Variants in ZNF609 observed in about 807,000 individuals in gnomAD.
ZNF609 encodes the protein zinc finger protein 609.
Under a neutral mutation model 109.5 loss-of-function variants are expected in ZNF609, and 11 were observed. The observed-to-expected ratio is 0.10, with a 90% CI of 0.06 to 0.17. The LOEUF (loss-of-function observed/expected upper bound fraction) is 0.17, where lower values mean the gene tolerates loss of function less well. Ranked by LOEUF, ZNF609 falls within the 10% of genes least tolerant of loss-of-function variation. ZNF609 has a pLI of 1.00. For synonymous variants in ZNF609, 646 were observed against 662.0 expected (o/e 0.98, Z 0.37); for missense variants, 1,559 against 1,772.4 (o/e 0.88, Z 2.16).
intron 2 of ZNF609, among the ~76,000 whole-genome samples, chr15:64,590,802 G>C (rs986166201): frequency 1.5e-4 from 23 of 151,686 alleles, no homozygotes; most frequent in Admixed American, 6.6e-5. Flanking sequence ...AGTTTACAAG[G>C]TAATGGTTAT....
chr15:64,677,755 G>A (rs78910428), intron 5 of ZNF609, among the ~76,000 whole-genome samples: 3 of 152,188 alleles, frequency 2.0e-5, no homozygotes, highest in East Asian at 3.9e-4. Context: ...GTCCCTGAGC[G>A]TGCTCTGAAA....
intron 2 of ZNF609, among the ~76,000 whole-genome samples, chr15:64,601,604 C>A (rs1161850561): frequency 1.3e-5 from 2 of 152,138 alleles, no homozygotes; most frequent in Non-Finnish European, 2.9e-5. Flanking sequence ...GACATAGCAC[C>A]TTGAGTTTTA....
rs1328715428 is a variant in ZNF609 at position 64,681,307 on chromosome 15, A to G, written c.4163-2A>G. 5.6e-6 allele frequency: 9 copies of G among 1,613,838 alleles called. No individual in the cohort carries two copies. The highest frequency in any genetic ancestry group is 1.7e-5 in the Admixed American group (1 of 60,016). On this transcript the variant is annotated splice_acceptor_variant, in intron 8 of 9. Transcript: ENST00000326648. LOFTEE classifies it high-confidence loss of function. ...CACTAACATGTTCTCCTGCTTATTC[A>G]GGGCTTTCTTCTACAGCCATTGTTG...
In ZNF609 at chr15:64,675,185, A is replaced by G; in HGVS notation, c.2331A>G (p.Ser777=). ...GMKMEGLLNG[S]SDPHQSRLAS... ...AAATGGAGGGGCTCCTAAATGGCTC[A>G]TCAGACCCCCACCAAAGCCGACTGG... The change falls in exon 5 of 10, where the codon TCA becomes TCG. Residue 777 remains serine, a synonymous_variant. Transcript: ENST00000326648. The G allele has an allele frequency of 6.2e-7, 1 of 1,614,134 alleles. No individual in the cohort carries two copies. The highest frequency in any genetic ancestry group is 8.5e-7 in the Non-Finnish European group (1 of 1,180,038).
At chr15:64,624,925 C>T (rs1895930260) in intron 3 of ZNF609, among the ~76,000 whole-genome samples, 2 of 151,840 alleles carry the variant, frequency 1.3e-5, no homozygotes, top group South Asian at 4.2e-4. Flanking sequence ...ACGCCTGGTC[C>T]ATTTTTGTAT....
chr15:64,595,227 G>C (rs906760217), intron 2 of ZNF609, among the ~76,000 whole-genome samples: 1 of 151,894 alleles, frequency 6.6e-6, no homozygotes, highest in African/African-American at 2.4e-5. Context: ...CGGGCGTGGT[G>C]GTGGGCATCT....
chr15:64,582,914 G>A (rs1176769522), intron 2 of ZNF609, among the ~76,000 whole-genome samples: 3 of 151,094 alleles, frequency 2.0e-5, no homozygotes, highest in East Asian at 3.9e-4. Context: ...ATCACGCCCG[G>A]CTAATTTTTT....
At chr15:64,464,900 G>T (rs28731170) in intron 1 of ZNF609, among the ~76,000 whole-genome samples, 19,077 of 152,200 alleles carry the variant, frequency 0.13, 1,889 homozygotes, top group African/African-American at 0.28. Flanking sequence ...TCTTCCGTGG[G>T]TTAGATTCAG....
At chr15:64,523,656 G>C (rs1893926034) in intron 2 of ZNF609, among the ~76,000 whole-genome samples, 1 of 151,990 alleles carries the variant, frequency 6.6e-6, no homozygotes, top group South Asian at 2.1e-4. Flanking sequence ...CCAGCTACTT[G>C]GGAAGCTGAG....
At position 64,595,539 on chromosome 15, in the gene ZNF609, C is replaced by G. The variant is rs551279167; in HGVS notation, c.748-27288C>G. ...TGTGTGATATAGACTTTTTCAGTTA[C>G]ACGAGAGCCACTAAATTCTCTTTTT... On this transcript the variant is annotated intron_variant, in intron 2 of 9. Transcript: ENST00000326648. Among the ~76,000 whole-genome samples, 10 of 152,164 alleles carry G rather than the reference C, an allele frequency of 6.6e-5. No individual in the cohort carries two copies. The South Asian group carries it at 1.9e-3, about 28-fold the overall frequency.
At chr15:64,529,069 G>T in intron 2 of ZNF609, 1 of 1,130,936 alleles carries the variant, frequency 8.8e-7, no homozygotes, top group Non-Finnish European at 1.3e-6. Context: ...GTCCTGGAGA[G>T]CCCTGCAGCC....
At chr15:64,626,625 G>T (rs1895967237) in intron 3 of ZNF609, among the ~76,000 whole-genome samples, 1 of 152,180 alleles carries the variant, frequency 6.6e-6, no homozygotes, top group South Asian at 2.1e-4. Flanking sequence ...CCACCTTGCT[G>T]AGAACAGGTA....
intron 3 of ZNF609, among the ~76,000 whole-genome samples, chr15:64,669,888 G>A (rs977586763): frequency 6.6e-6 from 1 of 152,062 alleles, no homozygotes; most frequent in Non-Finnish European, 1.5e-5. Flanking sequence ...GGCTGATCTT[G>A]AGCTCCTGGC....
chr15:64,505,102 G>A (rs1010307070), intron 2 of ZNF609, among the ~76,000 whole-genome samples: 57 of 152,280 alleles, frequency 3.7e-4, no homozygotes, highest in African/African-American at 1.4e-3. Context: ...GGATCTTTGA[G>A]TTTAGGATTT....
At chr15:64,472,324 A>G (rs927883883) in intron 1 of ZNF609, among the ~76,000 whole-genome samples, 4 of 152,268 alleles carry the variant, frequency 2.6e-5, no homozygotes, top group Admixed American at 1.3e-4. Context: ...ATACCACAGC[A>G]TGAAATCCAG....
At chr15:64,665,927 AAAATT>A (rs1896639810) in intron 3 of ZNF609, among the ~76,000 whole-genome samples, 1 of 150,514 alleles carries the variant, frequency 6.6e-6, no homozygotes, top group South Asian at 2.1e-4. Context: ...ATTAAAATTA[AAAATT>A]AAATTAAAAA....
chr15:64,536,675 G>A (rs887553831), intron 2 of ZNF609, among the ~76,000 whole-genome samples: 2 of 150,190 alleles, frequency 1.3e-5, no homozygotes, highest in Admixed American at 6.7e-5. Context: ...TAAGGAGTTC[G>A]AGATCAGCCT....
intron 3 of ZNF609, among the ~76,000 whole-genome samples, chr15:64,659,444 C>T (rs1312263917): frequency 6.6e-6 from 1 of 152,104 alleles, no homozygotes; most frequent in African/African-American, 2.4e-5. Context: ...CCCTGATTTC[C>T]TAGCCTAAAG....
intron 3 of ZNF609, among the ~76,000 whole-genome samples, chr15:64,627,674 T>TC (rs1269568982): frequency 6.4e-5 from 9 of 140,622 alleles, no homozygotes; most frequent in African/African-American, 2.3e-4. Flanking sequence ...TTTTTTTTTT[T>TC]TTTTTTTTTT....
Sources: gnomAD v4.1 joint callset for allele counts (sites outside exome capture counted in the v4.1 genomes callset) on GRCh38, gnomAD v4.1.1 for gene constraint, MANE v1.5 for transcripts, NCBI Gene and HGNC (gene_info 2026-07-23, HGNC 2026-07-21) for gene names.